FAT3: variants seen among roughly 807,000 people sequenced by gnomAD.
FAT3 encodes FAT atypical cadherin 3, also known as protocadherin Fat 3.
In FAT3, 95 loss-of-function variants were observed where a neutral mutation model predicts 310.2. The ratio of observed to expected loss-of-function variants is 0.31; its 90% CI spans 0.26 to 0.36. FAT3 has a LOEUF of 0.36. FAT3 is among the 10% of genes least tolerant of loss of function. The pLI is 1.00. For missense variants in FAT3, 5,408 were observed against 5,715.6 expected, an observed-to-expected ratio of 0.95 and a Z score of 1.74; for synonymous variants, 2,314 against 2,192.9, an observed-to-expected ratio of 1.06 and a Z score of -1.54.
chr11:92,360,281 A>G (rs953678071), intron 2 of FAT3, among the ~76,000 whole-genome samples: 4 of 152,216 alleles, frequency 2.6e-5, no homozygotes, highest in African/African-American at 9.6e-5. Flanking sequence ...AATGTTCTTG[A>G]CTTTCTTAGA....
Position 92,866,995 on chromosome 11 carries a change from TGACACGCGG to T in FAT3, c.11915_11923del (p.Asp3972_Arg3974del), listed in dbSNP as rs1949265182. On this transcript the variant is annotated inframe_deletion, in exon 22 of 28. Coordinates refer to ENST00000525166, the MANE Select transcript of FAT3 (RefSeq NM_001367949.2). The stretch of plus-strand genomic sequence containing the variant: ...AAGCGGATAACATCCGCAGCCTGAC[TGACACGCGG>T]GTCACGCAGGTGCTCAGCGGCTTCC... 2 of 1,608,550 alleles carry T rather than the reference TGACACGCGG, an allele frequency of 1.2e-6. No individual in the cohort carries two copies. Among genetic ancestry groups the T allele is most frequent in the African/African-American group, 1.3e-5 (1 of 74,880 alleles).
chr11:92,406,226 A>G (rs1292820348), intron 2 of FAT3, among the ~76,000 whole-genome samples: 1 of 152,038 alleles, frequency 6.6e-6, no homozygotes, highest in Non-Finnish European at 1.5e-5. Context: ...TTAATCTGGC[A>G]GCAGCAGAAT....
rs16918118 is a variant in FAT3, at chr11:92,811,719, A to C, written c.9481+1643A>C. Among the ~76,000 whole-genome samples the C allele has an allele frequency of 3.9e-3, 600 of 152,244 alleles. 3 individuals are homozygous for C. Among genetic ancestry groups the C allele is most frequent in the African/African-American group, 0.013 (557 of 41,532 alleles). On this transcript the variant is annotated intron_variant, in intron 13 of 27. Transcript: ENST00000525166. ...TTGATCTACTCATTTTTTGCTAATG[A>C]GTAAGAGCTTATATTCAAAGCTTCA... is the stretch of plus-strand genomic sequence containing the variant.
chr11:92,772,929 A>G (rs1256440243), intron 6 of FAT3, among the ~76,000 whole-genome samples: 1 of 152,166 alleles, frequency 6.6e-6, no homozygotes, highest in Non-Finnish European at 1.5e-5. Flanking sequence ...GCAAAATGAA[A>G]TGCAAAGATG....
At chr11:92,442,324 AG>A (rs753197385) in intron 2 of FAT3, among the ~76,000 whole-genome samples, 6 of 149,892 alleles carry the variant, frequency 4.0e-5, no homozygotes, top group Non-Finnish European at 8.9e-5. Context: ...TGTGTTAGCT[AG>A]GATGGTCTCG....
intron 2 of FAT3, among the ~76,000 whole-genome samples, chr11:92,356,573 C>T (rs1017154093): frequency 2.0e-5 from 3 of 152,190 alleles, no homozygotes; most frequent in Admixed American, 2.0e-4. Context: ...TTCCATGTCA[C>T]ATGGCAAAGA....
intron 2 of FAT3, among the ~76,000 whole-genome samples, chr11:92,380,367 G>T (rs1338189608): frequency 6.6e-6 from 1 of 152,072 alleles, no homozygotes; most frequent in Admixed American, 6.6e-5. Context: ...CTGTATGCCT[G>T]CCCTGTCTTC....
chr11:92,615,995 A>T (rs1474493903), intron 3 of FAT3, among the ~76,000 whole-genome samples: 1 of 152,092 alleles, frequency 6.6e-6, no homozygotes, highest in Non-Finnish European at 1.5e-5. Context: ...TATTAGGTCC[A>T]CTTGGTGCAG....
chr11:92,630,907 G>A (rs1245995466), intron 3 of FAT3, among the ~76,000 whole-genome samples: 1 of 152,166 alleles, frequency 6.6e-6, no homozygotes, highest in Non-Finnish European at 1.5e-5. Context: ...AATAGAGTTA[G>A]ATAAATGAAA....
At chr11:92,293,512 TTATATATATATATATATATA>T (rs1195340265) in intron 1 of FAT3, among the ~76,000 whole-genome samples, 4 of 67,892 alleles carry the variant, frequency 5.9e-5, no homozygotes, top group Non-Finnish European at 1.1e-4. Context: ...GAACCTCAGA[TTATATATATATATATATATA>T]TATATATATA....
At chr11:92,294,094 A>C (rs2134404612) in intron 1 of FAT3, among the ~76,000 whole-genome samples, 1 of 152,164 alleles carries the variant, frequency 6.6e-6, no homozygotes, top group East Asian at 1.9e-4. Context: ...GGAAAATCCC[A>C]AATCAAGGTT....
intron 7 of FAT3, among the ~76,000 whole-genome samples, chr11:92,785,865 T>C (rs900120546): frequency 6.6e-6 from 1 of 152,104 alleles, no homozygotes; most frequent in African/African-American, 2.4e-5. Context: ...CAAGTGAGAA[T>C]AGCAAGGAAA....
intron 2 of FAT3, among the ~76,000 whole-genome samples, chr11:92,449,373 C>T (rs555149406): frequency 1.1e-4 from 16 of 152,270 alleles, no homozygotes; most frequent in African/African-American, 3.6e-4. Flanking sequence ...CCCCCTGACC[C>T]AAGCAGCATC....
intron 4 of FAT3, among the ~76,000 whole-genome samples, chr11:92,733,500 AG>A (rs143996115): frequency 0.01 from 1,545 of 152,262 alleles, 25 homozygotes; most frequent in African/African-American, 0.034. Flanking sequence ...ATTGTGACTT[AG>A]TTATCAAATT....
Position 92,785,758 on chromosome 11 carries a change from AGTCAGTTTTCCTTTATTAACCT to A in FAT3, c.4336-4180_4336-4159del, listed in dbSNP as rs372900728. Among the ~76,000 whole-genome samples the A allele has an allele frequency of 8.2e-3, 1,247 of 152,284 alleles. 14 individuals carry two copies. Among genetic ancestry groups the A allele is most frequent in the African/African-American group, 0.028 (1,178 of 41,576 alleles). ...GGATAGGAAGACTACATTAGAAAGA[AGTCAGTTTTCCTTTATTAACCT>A]GTCATTATAGCATAATTGCAATTAA... On this transcript the variant is annotated intron_variant, in intron 7 of 27. Coordinates refer to ENST00000525166, the MANE Select transcript of FAT3 (RefSeq NM_001367949.2).
chr11:92,260,737 C>T (rs940066659), intron 1 of FAT3, among the ~76,000 whole-genome samples: 1 of 152,028 alleles, frequency 6.6e-6, no homozygotes, highest in Non-Finnish European at 1.5e-5. Flanking sequence ...TACACAGTGT[C>T]GTTACCATCT....
At chr11:92,728,236 G>GT (rs1945058862) in intron 4 of FAT3, among the ~76,000 whole-genome samples, 1 of 152,078 alleles carries the variant, frequency 6.6e-6, no homozygotes, top group Admixed American at 6.5e-5. Context: ...TTTGTTTTCT[G>GT]TTTTTTGTTT....
chr11:92,420,455 T>A (rs535356), intron 2 of FAT3, among the ~76,000 whole-genome samples: 127,734 of 152,028 alleles, frequency 0.84, 54,146 homozygotes, highest in Non-Finnish European at 0.89. Context: ...GGACATTCTA[T>A]AACCCCTCTT....
Position 92,461,519 on chromosome 11 carries a change from G to A in FAT3, c.3293-63115G>A, listed in dbSNP as rs57240910. ...TGTTGAAAACAAGGGTGGGTATGGT[G>A]ATGAAGAATCTTACTTGAGCAGTTA... On this transcript the variant is annotated intron_variant, in intron 2 of 27. Coordinates refer to ENST00000525166, the MANE Select transcript of FAT3 (RefSeq NM_001367949.2). Among the ~76,000 whole-genome samples, 1,083 of 152,234 alleles carry A rather than the reference G, an allele frequency of 7.1e-3. 19 individuals are homozygous for A. The highest frequency in any genetic ancestry group is 0.025 in the African/African-American group (1,039 of 41,520).
Sources: gnomAD v4.1 joint callset for allele counts (sites outside exome capture counted in the v4.1 genomes callset) on GRCh38, gnomAD v4.1.1 for gene constraint, MANE v1.5 for transcripts, NCBI Gene and HGNC (gene_info 2026-07-23, HGNC 2026-07-21) for gene names.